The following QKI variants were observed in gnomAD, a reference collection of about 807,000 sequenced individuals.
The protein encoded by QKI is KH domain-containing RNA-binding protein QKI.
QKI carries 10 observed loss-of-function variants against 39.0 expected under a neutral mutation model. That is an observed-to-expected ratio of 0.26 (90% confidence interval 0.16 to 0.43). The LOEUF (loss-of-function observed/expected upper bound fraction) is 0.43. QKI is among the 20% of genes least tolerant of loss of function. The pLI is 1.00. For missense variants in QKI, 218 were observed against 428.0 expected (o/e 0.51, Z 4.33); for synonymous variants, 204 against 155.4 (o/e 1.31, Z -2.33).
chr6:163,561,407 G>T (rs1782994822), intron 4 of QKI, among the ~76,000 whole-genome samples: 1 of 152,084 alleles, frequency 6.6e-6, no homozygotes, highest in Non-Finnish European at 1.5e-5. Flanking sequence ...AGGAGTTTGA[G>T]ACCAGCCTGG....
Position 163,570,060 on chromosome 6 carries a change from G to A in QKI, c.1010-634G>A, listed in dbSNP as rs370780459. On this transcript the variant is annotated intron_variant, in intron 7 of 7. Transcript: ENST00000361752. Reference sequence around the variant, plus strand: ...CACTGCTAGACTACAGTTTAGTATCGCTTTGTATCATGAGGCCAAGAAATT... The same window carrying A: ...CACTGCTAGACTACAGTTTAGTATCACTTTGTATCATGAGGCCAAGAAATT... 54 of 986,126 alleles carry A rather than the reference G, an allele frequency of 5.5e-5. No homozygotes were observed. In the East Asian group the frequency reaches 2.5e-3, roughly 46 times the overall value. The allele number at this position is 986,126 out of a possible 1,614,324, so 61.1% of individuals were successfully genotyped here.
chr6:163,570,833 G>T lies in QKI; in HGVS notation c.*123G>T, dbSNP rs202051425. ...GTCAGTGCAGCGAGCTGAGGCACTT[G>T]TCCGTTCGTCTTACCATCTAACCAA... On this transcript the variant is annotated 3_prime_UTR_variant, in exon 8 of 8. Transcript: ENST00000361752. 11 of 1,279,902 alleles carry T rather than the reference G, an allele frequency of 8.6e-6. No individual in the cohort carries two copies. In the East Asian group the frequency reaches 2.9e-4, roughly 33 times the overall value. 79.3% of individuals were successfully genotyped at this position (1,279,902 alleles called of 1,614,324 possible). A position where few individuals can be genotyped will look rare whatever the true frequency, so the allele number is the denominator to read the frequency against.
At chr6:163,464,196 C>T (rs1459814310) in intron 2 of QKI, among the ~76,000 whole-genome samples, 2 of 151,822 alleles carry the variant, frequency 1.3e-5, no homozygotes, top group African/African-American at 4.8e-5. Context: ...TATGATATCT[C>T]GCGCAATACA....
Position 163,467,238 on chromosome 6 carries a change from G to A in QKI, c.286-11542G>A, listed in dbSNP as rs182693099. Among the ~76,000 whole-genome samples the A allele has an allele frequency of 5.5e-4, 83 of 152,284 alleles. 1 individual carries two copies. Among genetic ancestry groups the A allele is most frequent in the Non-Finnish European group, 1.1e-3 (77 of 68,004 alleles). On this transcript the variant is annotated intron_variant, in intron 2 of 7. Transcript: ENST00000361752. ...GGATGTGTTAATTAGCTTGATTGTG[G>A]TAACCATTTCACAATGTATACCTTG... is the stretch of plus-strand genomic sequence containing the variant.
chr6:163,416,194 A>G (rs1787477905), intron 1 of QKI: 2 of 339,014 alleles, frequency 5.9e-6, no homozygotes, highest in Non-Finnish European at 1.2e-5. Context: ...ACGTTTGGAA[A>G]GGGCGAAATA....
At chr6:163,523,603 T>TA (rs1236618272) in intron 3 of QKI, among the ~76,000 whole-genome samples, 2 of 152,228 alleles carry the variant, frequency 1.3e-5, no homozygotes, top group Non-Finnish European at 2.9e-5. Context: ...AGTATGCATA[T>TA]ATGTTGAGAA....
chr6:163,460,831 A>G (rs892675033), intron 2 of QKI, among the ~76,000 whole-genome samples: 1 of 152,134 alleles, frequency 6.6e-6, no homozygotes, highest in South Asian at 2.1e-4. Flanking sequence ...CTCCTTTTTC[A>G]ATACCCAGGT....
intron 2 of QKI, among the ~76,000 whole-genome samples, chr6:163,467,830 G>C (rs1381740621): frequency 6.6e-6 from 1 of 152,126 alleles, no homozygotes; most frequent in Non-Finnish European, 1.5e-5. Flanking sequence ...TGGTTTGAAA[G>C]GATATGTTTT....
intron 4 of QKI, among the ~76,000 whole-genome samples, chr6:163,545,273 T>C (rs1451106080): frequency 6.6e-6 from 1 of 152,152 alleles, no homozygotes; most frequent in Non-Finnish European, 1.5e-5. Context: ...ATAATTTTTA[T>C]ATTCTATCTC....
chr6:163,445,633 T>C (rs1173222471), intron 1 of QKI, among the ~76,000 whole-genome samples: 1 of 150,718 alleles, frequency 6.6e-6, no homozygotes, highest in Non-Finnish European at 1.5e-5. Context: ...TTTTTTTTTT[T>C]AGTTGGAGTC....
chr6:163,465,409 C>G (rs566711187), intron 2 of QKI, among the ~76,000 whole-genome samples: 19 of 152,128 alleles, frequency 1.2e-4, no homozygotes, highest in Admixed American at 1.0e-3. Context: ...GTGGGCGGAT[C>G]ACTTGAGGTC....
Position 163,471,596 on chromosome 6 carries a change from A to T in QKI, c.286-7184A>T, listed in dbSNP as rs542934811. On this transcript the variant is annotated intron_variant, in intron 2 of 7. Coordinates refer to ENST00000361752, the MANE Select transcript of QKI (RefSeq NM_006775.3). ...AAGTACAAATGAACATTAATGTTTG[A>T]TAAGTCAAGGAAGCATGTTGTAAAT... Among the ~76,000 whole-genome samples the T allele has an allele frequency of 2.4e-4, 37 of 152,272 alleles. No homozygotes were observed. The East Asian group carries it at 6.6e-3, about 27-fold the overall frequency.
chr6:163,470,297 G>C (rs1363545199), intron 2 of QKI, among the ~76,000 whole-genome samples: 1 of 152,048 alleles, frequency 6.6e-6, no homozygotes, highest in Non-Finnish European at 1.5e-5. Flanking sequence ...GACACTGATG[G>C]ATACGTACTT....
intron 2 of QKI, among the ~76,000 whole-genome samples, chr6:163,474,659 CCAG>C (rs1220953444): frequency 1.3e-5 from 2 of 151,830 alleles, no homozygotes; most frequent in Non-Finnish European, 2.9e-5. Flanking sequence ...CATGGTGTCT[CCAG>C]CCTGTAATCC....
chr6:163,434,610 G>T (rs1789102749), intron 1 of QKI, among the ~76,000 whole-genome samples: 1 of 152,014 alleles, frequency 6.6e-6, no homozygotes, highest in Non-Finnish European at 1.5e-5. Flanking sequence ...AGCTACTTGG[G>T]ATGTTGAGGC....
intron 3 of QKI, among the ~76,000 whole-genome samples, chr6:163,500,813 A>G (rs1778710321): frequency 1.3e-5 from 2 of 152,214 alleles, no homozygotes; most frequent in African/African-American, 4.8e-5. Flanking sequence ...ATTAATTGCT[A>G]AGCTAGAGGC....
At chr6:163,504,430 TC>T (rs1379476354) in intron 3 of QKI, among the ~76,000 whole-genome samples, 3 of 152,214 alleles carry the variant, frequency 2.0e-5, no homozygotes, top group Non-Finnish European at 4.4e-5. Flanking sequence ...TAGCGTTCAA[TC>T]TGTAGATTAC....
chr6:163,489,424 C>CTGTGTGTGTGTG (rs66826538), intron 3 of QKI, among the ~76,000 whole-genome samples: 7 of 148,942 alleles, frequency 4.7e-5, no homozygotes, highest in African/African-American at 1.7e-4. Flanking sequence ...AGAAGTTATG[C>CTGTGTGTGTGTG]TGTGTGTGTG....
At chr6:163,448,528 G>A (rs572163736) in intron 1 of QKI, among the ~76,000 whole-genome samples, 1 of 151,828 alleles carries the variant, frequency 6.6e-6, no homozygotes, top group East Asian at 1.9e-4. Context: ...AGGAGTTCGA[G>A]ACCAGCCTGG....
Sources: allele counts gnomAD v4.1 joint callset (sites outside exome capture counted in the v4.1 genomes callset), GRCh38; gene constraint gnomAD v4.1.1; transcripts MANE v1.5; gene names NCBI Gene and HGNC (gene_info 2026-07-23, HGNC 2026-07-21).